Variants in NCOA3 observed in about 807,000 individuals in gnomAD.
NCOA3 encodes the protein nuclear receptor coactivator 3.
A neutral mutation model predicts 158.8 loss-of-function variants in NCOA3; 51 were observed. That is an observed-to-expected ratio of 0.32 (90% CI 0.26 to 0.41). The LOEUF is 0.41. Among genes scored for constraint, NCOA3 ranks in the 10% least tolerant of loss-of-function variants. The pLI, the probability that NCOA3 is intolerant of heterozygous loss-of-function variation, is 1.00. For missense variants in NCOA3, 1,510 were observed against 1,746.6 expected (o/e 0.86, Z 2.41); for synonymous variants, 537 against 592.4 (o/e 0.91, Z 1.36).
At chr20:47,639,858 AAGTT>A (rs770541542) in intron 15 of NCOA3, 36 bp downstream of exon 15, 9 of 1,612,218 alleles carry the variant, frequency 5.6e-6, no homozygotes, top group Admixed American at 1.7e-5. Flanking sequence ...TGAAAAAAGA[AAGTT>A]AGATGTTTCA....
At chr20:47,608,291 G>A (rs2085980500) in intron 2 of NCOA3, among the ~76,000 whole-genome samples, 1 of 151,842 alleles carries the variant, frequency 6.6e-6, no homozygotes, top group African/African-American at 2.4e-5. Flanking sequence ...AGCCCAGCCT[G>A]GGTGACAAGA....
At position 47,547,027 on chromosome 20, in the gene NCOA3, CT is replaced by C. The variant is rs534347208; in HGVS notation, c.-98-36154del. ...TCTTACACTCTTAATGAGGCCCACC[CT>C]TACCACCCTATTTAATACCGGAACC... On this transcript the variant is annotated intron_variant, in intron 1 of 22. Coordinates refer to ENST00000371998, the MANE Select transcript of NCOA3 (RefSeq NM_181659.3). Among the ~76,000 whole-genome samples the C allele has an allele frequency of 7.2e-5, 11 of 152,312 alleles. No homozygotes were observed. The East Asian group carries it at 2.1e-3, about 29-fold the overall frequency.
At chr20:47,571,311 CT>C (rs2085290999) in intron 1 of NCOA3, among the ~76,000 whole-genome samples, 1 of 148,702 alleles carries the variant, frequency 6.7e-6, no homozygotes, top group Non-Finnish European at 1.5e-5. Context: ...GGCTAATTTT[CT>C]TTTCTTTCTT....
chr20:47,510,275 A>T (rs1008487206), intron 1 of NCOA3, among the ~76,000 whole-genome samples: 2 of 151,712 alleles, frequency 1.3e-5, no homozygotes, highest in African/African-American at 4.8e-5. Context: ...TACTAAAAAT[A>T]TAAAAAAATT....
In NCOA3 at chr20:47,634,039, C is replaced by G. The variant is rs540077313; in HGVS notation, c.965-9C>G. On this transcript the variant is annotated splice_polypyrimidine_tract_variant and intron_variant, in intron 9 of 22. Transcript: ENST00000371998. ...GTAGTTACCAGTGATGGGATATTTT[C>G]CCCAACAGCTTATCTTAATGGCCAT... 6.2e-7 allele frequency: 1 copy of G among 1,613,640 alleles called. No homozygotes were observed. Among genetic ancestry groups the G allele is most frequent in the African/African-American group, 1.3e-5 (1 of 74,876 alleles).
At chr20:47,563,363 A>G (rs564509853) in intron 1 of NCOA3, among the ~76,000 whole-genome samples, 7 of 152,220 alleles carry the variant, frequency 4.6e-5, no homozygotes, top group African/African-American at 1.7e-4. Context: ...CAAACTCACC[A>G]CTCTGATAGG....
chr20:47,529,409 G>A (rs2084510139), intron 1 of NCOA3, among the ~76,000 whole-genome samples: 2 of 151,718 alleles, frequency 1.3e-5, no homozygotes, highest in South Asian at 2.1e-4. Flanking sequence ...ATGAGCCGCC[G>A]TGCCCAGCAT....
intron 2 of NCOA3, among the ~76,000 whole-genome samples, chr20:47,594,979 A>G (rs570768270): frequency 6.7e-6 from 1 of 148,250 alleles, no homozygotes; most frequent in Non-Finnish European, 1.5e-5. Flanking sequence ...TTTAGTAGAG[A>G]TGGAATTTTG....
chr20:47,589,283 T>C (rs1297710918), intron 2 of NCOA3, among the ~76,000 whole-genome samples: 1 of 152,216 alleles, frequency 6.6e-6, no homozygotes, highest in East Asian at 1.9e-4. Flanking sequence ...TGGTTTGCTT[T>C]GGTAACTTGA....
In NCOA3 at chr20:47,656,010, T is replaced by C. The variant is rs924372228; in HGVS notation, c.*2593T>C. ...TTTAGGTAATTCTTTGTACTCCTGCTGTCTACCTCTCCTCACACCCCAGCA... is the reference window on the plus strand; with the variant it reads ...TTTAGGTAATTCTTTGTACTCCTGCCGTCTACCTCTCCTCACACCCCAGCA... On this transcript the variant is annotated 3_prime_UTR_variant, in exon 23 of 23. Transcript: ENST00000371998. 1.3e-5 allele frequency: 2 copies of C among 152,336 alleles called. No homozygotes were observed. The highest frequency in any genetic ancestry group is 2.1e-4 in the South Asian group (1 of 4,830). 9.4% of individuals were successfully genotyped at this position (152,336 alleles called of 1,614,324 possible).
rs1306502257 is a variant in NCOA3 at position 47,636,217 on chromosome 20, G to A, written c.1831G>A (p.Gly611Ser). ...TGTTGAGGGGGCAGAGAATCAAAGG[G>A]GTCCTTTGGAAAGCAAAGGTCATAA... ...SSVEGAENQR[G>S]PLESKGHKKL... The change falls in exon 12 of 23, where the codon GGT (glycine) becomes AGT (serine). Residue 611 changes from glycine (G) to serine (S), a missense_variant. By Grantham distance (56) the Gly-to-Ser change is moderately conservative. Around this residue, in one of 4 missense-constraint regions of NCOA3, gnomAD observed 1,017 missense variants for 1,098.3 expected, o/e 0.93. Coordinates refer to ENST00000371998, the MANE Select transcript of NCOA3 (RefSeq NM_181659.3). 15 of 1,613,922 alleles carry A rather than the reference G, an allele frequency of 9.3e-6. No individual in the cohort carries two copies. The highest frequency in any genetic ancestry group is 2.7e-5 in the African/African-American group (2 of 74,866).
intron 1 of NCOA3, among the ~76,000 whole-genome samples, chr20:47,522,406 CTT>C (rs3091963): frequency 0.14 from 17,919 of 127,956 alleles, 1,632 homozygotes; most frequent in African/African-American, 0.27. Context: ...GCGCCCGGCC[CTT>C]TTTTTTTTTT....
chr20:47,636,173 A>C lies in NCOA3; in HGVS notation c.1787A>C (p.Lys596Thr). ...QSNSRDHLSD[K>T]ESKESSVEGA... ...AATAGCAGAGATCACCTCAGTGACAAAGAAAGTAAGGAGAGCAGTGTTGAG... is the reference window on the plus strand; with the variant it reads ...AATAGCAGAGATCACCTCAGTGACACAGAAAGTAAGGAGAGCAGTGTTGAG... Residue 596 changes from lysine to threonine, a missense_variant, in exon 12 of 23, where the codon AAA becomes ACA. Coordinates refer to ENST00000371998, the MANE Select transcript of NCOA3 (RefSeq NM_181659.3). The C allele has an allele frequency of 6.2e-7, 1 of 1,614,228 alleles. No homozygotes were observed. The highest frequency in any genetic ancestry group is 8.5e-7 in the Non-Finnish European group (1 of 1,180,032).
intron 2 of NCOA3, among the ~76,000 whole-genome samples, chr20:47,602,926 T>TA (rs544274151): frequency 8.9e-4 from 135 of 152,184 alleles, no homozygotes; most frequent in Non-Finnish European, 1.7e-3. Context: ...GGGTTTTTTT[T>TA]AGGCTAAATT....
chr20:47,511,550 T>TATATATACATACACACACACATACAC, intron 1 of NCOA3, among the ~76,000 whole-genome samples: 1 of 52,270 alleles, frequency 1.9e-5, no homozygotes, highest in Admixed American at 3.2e-4. Flanking sequence ...TATATATATA[T>TATATATACATACACACACACATACAC]ATATATTTCT....
intron 1 of NCOA3, among the ~76,000 whole-genome samples, chr20:47,507,942 A>G (rs1218167031): frequency 6.6e-6 from 1 of 152,090 alleles, no homozygotes; most frequent in African/African-American, 2.4e-5. Flanking sequence ...AAATAAATGA[A>G]TATACATCAT....
At chr20:47,585,102 A>AGTG (rs960575976) in intron 2 of NCOA3, among the ~76,000 whole-genome samples, 27 of 120,220 alleles carry the variant, frequency 2.2e-4, no homozygotes, top group African/African-American at 9.1e-4. Context: ...CCCAGGCTGG[A>AGTG]GTGCAGTGGT....
At position 47,648,057 on chromosome 20, in the gene NCOA3, C is replaced by T. The variant is rs531926166; in HGVS notation, c.3546+691C>T. Among the ~76,000 whole-genome samples the T allele has an allele frequency of 1.5e-3, 233 of 151,594 alleles. 2 individuals are homozygous for T. The highest frequency in any genetic ancestry group is 5.3e-3 in the African/African-American group (219 of 41,336). Reference sequence around the variant, plus strand: ...AGCCTCCCGAGTAGCTGGGGAGCCACGCAAGCCCGGCTAGTTTTTGTATTT... The same window carrying T: ...AGCCTCCCGAGTAGCTGGGGAGCCATGCAAGCCCGGCTAGTTTTTGTATTT... On this transcript the variant is annotated intron_variant, in intron 18 of 22. Transcript: ENST00000371998.
intron 1 of NCOA3, among the ~76,000 whole-genome samples, chr20:47,572,357 T>C (rs1175009281): frequency 6.6e-6 from 1 of 151,990 alleles, no homozygotes; most frequent in Non-Finnish European, 1.5e-5. Context: ...TGAGATGTGA[T>C]TGCACCACTG....
Sources: allele counts gnomAD v4.1 joint callset (sites outside exome capture counted in the v4.1 genomes callset), GRCh38; gene constraint gnomAD v4.1.1; regional missense constraint gnomAD v4.1.1; transcripts MANE v1.5; gene names NCBI Gene and HGNC (gene_info 2026-07-23, HGNC 2026-07-21).